The following TMIGD3 variants were observed in gnomAD, a reference collection of about 807,000 sequenced individuals.
TMIGD3 encodes transmembrane and immunoglobulin domain containing 3.
Under a neutral mutation model 28.1 loss-of-function variants are expected in TMIGD3, and 21 were observed. The observed-to-expected ratio is 0.75, with a 90% CI of 0.53 to 1.08. The LOEUF is 1.08. Ranked by LOEUF, TMIGD3 falls within the 50% of genes least tolerant of loss-of-function variation. The probability of loss-of-function intolerance (pLI) is 0.00; values close to 1 mark genes in which losing one functional copy is unlikely to be tolerated. For synonymous variants in TMIGD3, 151 were observed against 162.1 expected, an observed-to-expected ratio of 0.93 and a Z score of 0.52; for missense variants, 416 against 435.6, an observed-to-expected ratio of 0.96 and a Z score of 0.40.
At chr1:111,557,384 T>TA (rs1358517059) in intron 1 of TMIGD3, among the ~76,000 whole-genome samples, 1 of 151,834 alleles carries the variant, frequency 6.6e-6, no homozygotes, top group East Asian at 1.9e-4. Context: ...CTGTCTCTAC[T>TA]AAAAATACAA....
intron 1 of TMIGD3, among the ~76,000 whole-genome samples, chr1:111,516,659 A>C (rs1655878920): frequency 6.6e-6 from 1 of 152,136 alleles, no homozygotes; most frequent in Non-Finnish European, 1.5e-5. Flanking sequence ...CTCAGCTCCC[A>C]TTATTCCAGG....
At chr1:111,515,072 C>T (rs1655813631) in intron 1 of TMIGD3, among the ~76,000 whole-genome samples, 1 of 152,222 alleles carries the variant, frequency 6.6e-6, no homozygotes, top group African/African-American at 2.4e-5. Context: ...CAACTGCAAC[C>T]TTGAGAAGTG....
chr1:111,517,530 T>A (rs908246692), intron 1 of TMIGD3, among the ~76,000 whole-genome samples: 5 of 152,198 alleles, frequency 3.3e-5, no homozygotes, highest in Non-Finnish European at 7.3e-5. Flanking sequence ...ATTTCTGAAT[T>A]TCAGTCCACA....
intron 2 of TMIGD3, chr1:111,490,336 T>A (rs1214170720): frequency 3.8e-6 from 1 of 262,584 alleles, no homozygotes; most frequent in African/African-American, 2.2e-5. Context: ...GAATGCGTAA[T>A]GAATTTGCAT....
At chr1:111,541,213 G>C (rs1457664903) in intron 1 of TMIGD3, among the ~76,000 whole-genome samples, 1 of 152,216 alleles carries the variant, frequency 6.6e-6, no homozygotes, top group Admixed American at 6.5e-5. Flanking sequence ...TTCTGCTATA[G>C]AAGGAAAGCT....
At position 111,485,808 on chromosome 1, in the gene TMIGD3, G is replaced by A. The variant is rs567576770; in HGVS notation, c.905C>T (p.Thr302Met). 4.0e-5 allele frequency: 62 copies of A among 1,539,496 alleles called. No homozygotes were observed. Among genetic ancestry groups the A allele is most frequent in the Admixed American group, 2.1e-4 (12 of 56,124 alleles). Residue 302 changes from threonine to methionine, a missense_variant, in exon 5 of 6, where the codon ACG becomes ATG. Coordinates refer to ENST00000369716, the MANE Select transcript of TMIGD3 (RefSeq NM_020683.7). ...TSILIICILI[T>M]GLGIISVISH... is the part of the protein sequence containing the mutation. ...GATTACAGAGATGATTCCCAAACCC[G>A]TGATCAGTATGCAAATGATGAGAAT...
intron 1 of TMIGD3, among the ~76,000 whole-genome samples, chr1:111,512,471 C>A (rs1283092684): frequency 3.3e-5 from 5 of 152,250 alleles, no homozygotes; most frequent in Non-Finnish European, 2.9e-5. Context: ...AATGGATGAC[C>A]TTAGCCAAAC....
intron 1 of TMIGD3, among the ~76,000 whole-genome samples, chr1:111,537,152 C>T (rs766036022): frequency 6.6e-6 from 1 of 152,194 alleles, no homozygotes; most frequent in African/African-American, 2.4e-5. Context: ...CATGTATCAC[C>T]TGCTCTCTAA....
In TMIGD3 at chr1:111,503,131, C is replaced by T; in HGVS notation, c.224G>A (p.Gly75Asp). ...VMPLAIVVSL[G>D]ITIHFYSCLF... ...GCAGCTGTAGAAGTGGATTGTGATG[C>T]CCAGGCTGACAACAATGGCCAAAGG... The change falls in exon 1 of 6, where the codon GGC (glycine) becomes GAC (aspartate). Residue 75 changes from glycine (G) to aspartate (D), a missense_variant. Coordinates refer to ENST00000369716, the MANE Select transcript of TMIGD3 (RefSeq NM_020683.7). 7 of 1,614,154 alleles carry T rather than the reference C, an allele frequency of 4.3e-6. No individual in the cohort carries two copies. In the South Asian group the frequency reaches 5.5e-5, roughly 13 times the overall value.
chr1:111,495,570 A>C (rs1311486052), intron 1 of TMIGD3, among the ~76,000 whole-genome samples: 1 of 152,252 alleles, frequency 6.6e-6, no homozygotes, highest in Non-Finnish European at 1.5e-5. Flanking sequence ...AAATAAAATT[A>C]GTTCAATTCA....
chr1:111,506,742 T>C (rs531187615), upstream of TMIGD3, among the ~76,000 whole-genome samples: 10 of 151,816 alleles, frequency 6.6e-5, no homozygotes, highest in African/African-American at 1.9e-4. Flanking sequence ...TAATGTAGAT[T>C]TGGCAACTGC....
At chr1:111,498,432 TA>T (rs999764653) in intron 1 of TMIGD3, among the ~76,000 whole-genome samples, 2 of 152,232 alleles carry the variant, frequency 1.3e-5, no homozygotes, top group African/African-American at 4.8e-5. Context: ...CCTGATTAAT[TA>T]GAGATCAGCA....
At chr1:111,563,935 T>C (rs1214394054) in exon 1 of TMIGD3, 3 of 1,613,626 alleles carry the variant, frequency 1.9e-6, no homozygotes, top group South Asian at 2.2e-5. Flanking sequence ...CAATGGGTCC[T>C]GCTGGAGACC....
intron 1 of TMIGD3, among the ~76,000 whole-genome samples, chr1:111,555,163 C>T (rs181701444): frequency 1.3e-5 from 2 of 151,808 alleles, no homozygotes; most frequent in Non-Finnish European, 2.9e-5. Flanking sequence ...GCCAGGAGTT[C>T]GAGACTAGCC....
At chr1:111,496,673 C>A (rs921412645) in intron 1 of TMIGD3, among the ~76,000 whole-genome samples, 2 of 152,220 alleles carry the variant, frequency 1.3e-5, no homozygotes, top group Non-Finnish European at 2.9e-5. Flanking sequence ...TGGTGCTGCC[C>A]AATTCATGAA....
At chr1:111,552,201 G>GT (rs1553207100) in intron 1 of TMIGD3, among the ~76,000 whole-genome samples, 6 of 152,226 alleles carry the variant, frequency 3.9e-5, no homozygotes, top group Non-Finnish European at 8.8e-5. Context: ...CTCTTAGGGA[G>GT]TCACCAGACA....
intron 1 of TMIGD3, among the ~76,000 whole-genome samples, chr1:111,515,384 G>A (rs1317174546): frequency 6.6e-6 from 1 of 152,210 alleles, no homozygotes; most frequent in Admixed American, 6.5e-5. Flanking sequence ...TCCCTACCCT[G>A]TGGCCTGCGG....
chr1:111,510,518 G>A (rs1199026178), intron 1 of TMIGD3, among the ~76,000 whole-genome samples: 1 of 152,150 alleles, frequency 6.6e-6, no homozygotes, highest in East Asian at 1.9e-4. Context: ...TAGTGGCAGA[G>A]CTTTGTCCCA....
chr1:111,491,191 A>C (rs1006948243), intron 1 of TMIGD3, among the ~76,000 whole-genome samples: 9 of 152,244 alleles, frequency 5.9e-5, no homozygotes, highest in Non-Finnish European at 1.0e-4. Context: ...TCCCAAGTGG[A>C]CACTGCAGGC....
Sources: allele counts gnomAD v4.1 joint callset (sites outside exome capture counted in the v4.1 genomes callset), GRCh38; gene constraint gnomAD v4.1.1; transcripts MANE v1.5; gene names NCBI Gene and HGNC (gene_info 2026-07-23, HGNC 2026-07-21).